The following MARCHF1 variants were observed in gnomAD, a reference collection of about 807,000 sequenced individuals.
MARCHF1 encodes membrane associated ring-CH-type finger 1.
Under a neutral mutation model 54.2 loss-of-function variants are expected in MARCHF1, and 40 were observed. That is an observed-to-expected ratio of 0.74 (90% confidence interval 0.57 to 0.96). The LOEUF is 0.96. MARCHF1 is among the 40% of genes least tolerant of loss of function. The probability of loss-of-function intolerance (pLI) is 0.00; values close to 1 mark genes in which losing one functional copy is unlikely to be tolerated. For synonymous variants in MARCHF1, 236 were observed against 236.3 expected (o/e 1.00, Z 0.01); for missense variants, 586 against 656.5 (o/e 0.89, Z 1.17).
At chr4:163,842,774 T>C (rs946367906) in intron 4 of MARCHF1, among the ~76,000 whole-genome samples, 19 of 152,306 alleles carry the variant, frequency 1.2e-4, no homozygotes, top group Middle Eastern at 3.4e-3. Context: ...TTACATGTCT[T>C]TGTTTCATTC....
chr4:164,303,272 C>CA (rs1734610908), intron 1 of MARCHF1, among the ~76,000 whole-genome samples: 1 of 152,120 alleles, frequency 6.6e-6, no homozygotes, highest in Non-Finnish European at 1.5e-5. Flanking sequence ...AATTTGTGAC[C>CA]AAACTTTATG....
chr4:163,864,623 G>A (rs1750012256), intron 3 of MARCHF1, among the ~76,000 whole-genome samples: 1 of 151,958 alleles, frequency 6.6e-6, no homozygotes, highest in South Asian at 2.1e-4. Context: ...TTAATAATAG[G>A]AGAAATGGGG....
intron 3 of MARCHF1, among the ~76,000 whole-genome samples, chr4:163,906,502 T>C (rs1391354364): frequency 1.3e-5 from 2 of 151,960 alleles, no homozygotes; most frequent in Admixed American, 1.3e-4. Context: ...TTTAAATTTC[T>C]GACTTACAAA....
intron 1 of MARCHF1, among the ~76,000 whole-genome samples, chr4:164,170,103 A>G (rs1730483260): frequency 6.6e-6 from 1 of 152,092 alleles, no homozygotes; most frequent in Non-Finnish European, 1.5e-5. Context: ...AACCACCAAA[A>G]AGAAAAAATG....
chr4:164,229,159 T>C (rs1282778412), intron 1 of MARCHF1, among the ~76,000 whole-genome samples: 2 of 152,242 alleles, frequency 1.3e-5, no homozygotes, highest in Non-Finnish European at 2.9e-5. Flanking sequence ...ACAAATTCTT[T>C]GACACATCTG....
intron 2 of MARCHF1, among the ~76,000 whole-genome samples, chr4:164,067,671 C>A (rs967747957): frequency 6.6e-6 from 1 of 151,972 alleles, no homozygotes; most frequent in South Asian, 2.1e-4. Context: ...TTGGCCTTGG[C>A]AAAGAATTTT....
intron 3 of MARCHF1, among the ~76,000 whole-genome samples, chr4:163,961,552 T>G (rs1192108527): frequency 6.6e-6 from 1 of 151,900 alleles, no homozygotes; most frequent in African/African-American, 2.4e-5. Flanking sequence ...TTAAACCTTT[T>G]CACGTGCTAC....
chr4:163,678,102 T>G (rs1743977040), intron 5 of MARCHF1, among the ~76,000 whole-genome samples: 1 of 152,210 alleles, frequency 6.6e-6, no homozygotes, highest in Admixed American at 6.5e-5. Context: ...GAATTATCAG[T>G]GCAACTATAA....
At chr4:164,376,723 G>C (rs554932183) in intron 1 of MARCHF1, among the ~76,000 whole-genome samples, 1 of 152,326 alleles carries the variant, frequency 6.6e-6, no homozygotes, top group South Asian at 2.1e-4. Context: ...ACCACGGTCA[G>C]AAGCAGGGGG....
chr4:164,202,776 CA>C (rs1355244885), intron 1 of MARCHF1, among the ~76,000 whole-genome samples: 5 of 152,134 alleles, frequency 3.3e-5, no homozygotes, highest in African/African-American at 1.2e-4. Flanking sequence ...TTGCTTACGC[CA>C]TTTCATAAAA....
At chr4:163,598,632 T>C (rs1484412769) in intron 7 of MARCHF1, among the ~76,000 whole-genome samples, 5 of 152,238 alleles carry the variant, frequency 3.3e-5, no homozygotes, top group East Asian at 3.8e-4. Flanking sequence ...ACAGTAATGA[T>C]ATGTCTAAAA....
At chr4:163,613,530 T>C (rs1377200558) in intron 5 of MARCHF1, 137 bp from the exon 6 acceptor site, 1 of 1,570,858 alleles carries the variant, frequency 6.4e-7, no homozygotes, top group Non-Finnish European at 8.6e-7. Flanking sequence ...GAACAGAGAA[T>C]ATAGGAAGTT....
intron 1 of MARCHF1, among the ~76,000 whole-genome samples, chr4:164,319,119 AG>A (rs527349592): frequency 9.9e-5 from 15 of 152,168 alleles, no homozygotes; most frequent in Non-Finnish European, 2.2e-4. Flanking sequence ...TGAAAATATT[AG>A]AAAGGAAATG....
At chr4:164,338,926 C>A (rs544900404) in intron 1 of MARCHF1, among the ~76,000 whole-genome samples, 1 of 151,846 alleles carries the variant, frequency 6.6e-6, no homozygotes, top group Admixed American at 6.6e-5. Flanking sequence ...GAGCCAAGAT[C>A]GCACCATTGC....
At chr4:163,808,029 A>T (rs1446260201) in intron 4 of MARCHF1, among the ~76,000 whole-genome samples, 1 of 151,976 alleles carries the variant, frequency 6.6e-6, no homozygotes, top group Admixed American at 6.6e-5. Flanking sequence ...TTCTTGCCTC[A>T]CTCCTACACA....
chr4:163,726,902 T>C (rs1050416165), intron 4 of MARCHF1, among the ~76,000 whole-genome samples: 2 of 152,250 alleles, frequency 1.3e-5, no homozygotes, highest in African/African-American at 2.4e-5. Context: ...TTGGCCCATT[T>C]TTAATGAATT....
At chr4:164,114,206 A>C (rs1362468828) in intron 1 of MARCHF1, among the ~76,000 whole-genome samples, 3 of 152,038 alleles carry the variant, frequency 2.0e-5, no homozygotes, top group African/African-American at 7.2e-5. Context: ...GAAATGATTA[A>C]CCAATCAACT....
At chr4:164,119,383 TA>T (rs1228207182) in intron 1 of MARCHF1, among the ~76,000 whole-genome samples, 1 of 148,448 alleles carries the variant, frequency 6.7e-6, no homozygotes, top group Admixed American at 6.7e-5. Flanking sequence ...ATACAAATAA[TA>T]AATACAAATA....
chr4:164,047,867 TA>T (rs1421678202), intron 2 of MARCHF1, among the ~76,000 whole-genome samples: 1 of 152,196 alleles, frequency 6.6e-6, no homozygotes, highest in African/African-American at 2.4e-5. Flanking sequence ...TATTTGTAAT[TA>T]TATTTTCTCA....
Sources: allele counts gnomAD v4.1 joint callset (sites outside exome capture counted in the v4.1 genomes callset), GRCh38; gene constraint gnomAD v4.1.1; transcripts MANE v1.5; gene names NCBI Gene and HGNC (gene_info 2026-07-23, HGNC 2026-07-21).